SV2B: variants seen among roughly 807,000 people sequenced by gnomAD.
SV2B encodes synaptic vesicle glycoprotein 2B.
Under a neutral mutation model 73.9 loss-of-function variants are expected in SV2B, and 41 were observed. The ratio of observed to expected loss-of-function variants is 0.56; its 90% CI spans 0.43 to 0.72. SV2B has a LOEUF of 0.72. SV2B is among the 30% of genes least tolerant of loss of function. SV2B has a pLI of 0.00. For synonymous variants in SV2B, 314 were observed against 314.2 expected (o/e 1.00, Z 0.01); for missense variants, 764 against 857.8 (o/e 0.89, Z 1.37).
At chr15:91,164,502 T>C (rs995939270) in intron 1 of SV2B, among the ~76,000 whole-genome samples, 2 of 152,198 alleles carry the variant, frequency 1.3e-5, no homozygotes, top group African/African-American at 4.8e-5. Context: ...TACACCCAAA[T>C]TTAAAGAGTT....
rs917278920 is a variant in SV2B at position 91,245,125 on chromosome 15, A to C, written c.452-6694A>C. Among the ~76,000 whole-genome samples, 3 of 152,156 alleles carry C rather than the reference A, an allele frequency of 2.0e-5. No individual in the cohort carries two copies. The highest frequency in any genetic ancestry group is 4.8e-5 in the African/African-American group (2 of 41,440). On this transcript the variant is annotated intron_variant, in intron 2 of 12. Transcript: ENST00000394232. The surrounding 1 kb of genome is among the most constrained non-coding windows in gnomAD (Gnocchi z 4.2). ...TCTTATCCTGCTGCCTCTGGTGTGG[A>C]GAGGAAATCTTCTGTCTGTGTGAAA...
intron 1 of SV2B, among the ~76,000 whole-genome samples, chr15:91,219,046 C>CT (rs1262146369): frequency 6.6e-6 from 1 of 152,144 alleles, no homozygotes; most frequent in Non-Finnish European, 1.5e-5. Context: ...TCAAGCCACT[C>CT]AAGCCATCCT....
At position 91,265,113 on chromosome 15, in the gene SV2B, G is replaced by A. The variant is rs193087824; in HGVS notation, c.1009-1469G>A. Among the ~76,000 whole-genome samples the A allele has an allele frequency of 6.6e-6, 1 of 152,314 alleles. No homozygotes were observed. The highest frequency in any genetic ancestry group is 1.9e-4 in the East Asian group (1 of 5,184). ...GGCGGGTACTCAGCCCAGCTTGAAG[G>A]TGTTACCTGTTTTACTCCTGTGCGT... On this transcript the variant is annotated intron_variant, in intron 6 of 12. Transcript: ENST00000394232. This position sits in a 1 kb window ranked among gnomAD's most constrained non-coding sequence, Gnocchi z 4.2.
intron 1 of SV2B, among the ~76,000 whole-genome samples, chr15:91,194,515 A>T (rs1159315878): frequency 6.6e-6 from 1 of 152,168 alleles, no homozygotes; most frequent in African/African-American, 2.4e-5. Flanking sequence ...AGAGTCTTAG[A>T]TATACGTATG....
chr15:91,254,236 T>TC (rs58031302), intron 4 of SV2B, among the ~76,000 whole-genome samples: 21,763 of 116,310 alleles, frequency 0.19, 1,687 homozygotes, highest in African/African-American at 0.29. Context: ...TTTCACTTCT[T>TC]TTTTTTTTTT....
At position 91,268,348 on chromosome 15, in the gene SV2B, T is replaced by C; in HGVS notation, c.1209-93T>C. The C allele has an allele frequency of 8.2e-7, 1 of 1,222,936 alleles. No homozygotes were observed. The highest frequency in any genetic ancestry group is 1.1e-6 in the Non-Finnish European group (1 of 900,544). The allele number at this position is 1,222,936 out of a possible 1,614,324, so 75.8% of individuals were successfully genotyped here. On this transcript the variant is annotated intron_variant, in intron 8 of 12. Coordinates refer to ENST00000394232, the MANE Select transcript of SV2B (RefSeq NM_001323032.3). This position sits in a 1 kb window ranked among gnomAD's most constrained non-coding sequence, Gnocchi z 4.4. ...ATGAACCAAATTAATGTATTTTCAA[T>C]GAGTTTGATCTGCATCAAGTCAAGA...
At chr15:91,182,978 A>G (rs1295923467) in intron 1 of SV2B, among the ~76,000 whole-genome samples, 1 of 152,184 alleles carries the variant, frequency 6.6e-6, no homozygotes, top group Non-Finnish European at 1.5e-5. Flanking sequence ...AGTACCTGTT[A>G]TGTGCCAGGA....
rs1321113342 is a variant in SV2B, at chr15:91,140,239, C to T, written c.-392+39876C>T. On this transcript the variant is annotated intron_variant, in intron 1 of 12. Coordinates refer to ENST00000394232, the MANE Select transcript of SV2B (RefSeq NM_001323032.3). The surrounding 1 kb of genome is among the most constrained non-coding windows in gnomAD (Gnocchi z 4.4). ...TTATTTTTCTTCAAAGTAATAGCAG[C>T]TAGGAACAAAGTTACATTTTCTCAA... Among the ~76,000 whole-genome samples, 1 of 152,172 alleles carries T rather than the reference C, an allele frequency of 6.6e-6. No individual in the cohort carries two copies. Among genetic ancestry groups the T allele is most frequent in the African/African-American group, 2.4e-5 (1 of 41,444 alleles).
At chr15:91,134,388 C>T (rs1375804209) in intron 1 of SV2B, among the ~76,000 whole-genome samples, 1 of 152,150 alleles carries the variant, frequency 6.6e-6, no homozygotes, top group Non-Finnish European at 1.5e-5. Context: ...ATTCAGAATC[C>T]ATTCAAGACC....
chr15:91,180,258 G>A (rs1254399103), intron 1 of SV2B, among the ~76,000 whole-genome samples: 2 of 152,204 alleles, frequency 1.3e-5, no homozygotes, highest in African/African-American at 4.8e-5. Context: ...TCTGCCGAGA[G>A]ATCAGCTGTT....
intron 1 of SV2B, among the ~76,000 whole-genome samples, chr15:91,152,357 A>G (rs1304994482): frequency 6.6e-6 from 1 of 152,134 alleles, no homozygotes; most frequent in Non-Finnish European, 1.5e-5. Context: ...AGCTTTGCTG[A>G]TATCGCAGCT....
upstream of SV2B, chr15:91,099,874 C>T (rs1166447837): frequency 6.6e-6 from 1 of 152,282 alleles, no homozygotes; most frequent in Non-Finnish European, 1.5e-5. Context: ...AGCGCCCCCT[C>T]GCCCTAGGCG....
intron 1 of SV2B, among the ~76,000 whole-genome samples, chr15:91,192,121 G>A (rs1400077259): frequency 6.6e-6 from 1 of 152,080 alleles, no homozygotes; most frequent in African/African-American, 2.4e-5. Flanking sequence ...ATTTTTAAAA[G>A]TCATTGCTTA....
rs1181825807 is a variant in SV2B at position 91,220,575 on chromosome 15, A to G, written c.-391-5298A>G. 1.3e-5 allele frequency among the ~76,000 whole-genome samples: 2 copies of G among 152,264 alleles called. No homozygotes were observed. The highest frequency in any genetic ancestry group is 3.8e-4 in the East Asian group (2 of 5,204). ...TTTCTGTGATATTTAGTAATAAGCAAGAGTTTGCTGCACAATGATTTTGAG... is the reference window on the plus strand; with the variant it reads ...TTTCTGTGATATTTAGTAATAAGCAGGAGTTTGCTGCACAATGATTTTGAG... On this transcript the variant is annotated intron_variant, in intron 1 of 12. Transcript: ENST00000394232. The surrounding 1 kb of genome is among the most constrained non-coding windows in gnomAD (Gnocchi z 4.1).
chr15:91,178,141 T>A (rs909705182), intron 1 of SV2B, among the ~76,000 whole-genome samples: 4 of 151,634 alleles, frequency 2.6e-5, no homozygotes, highest in Non-Finnish European at 4.4e-5. Context: ...CTGCATCTAT[T>A]GAGATAATCA....
At chr15:91,150,587 C>A (rs1005848630) in intron 1 of SV2B, among the ~76,000 whole-genome samples, 1 of 152,198 alleles carries the variant, frequency 6.6e-6, no homozygotes, top group Non-Finnish European at 1.5e-5. Context: ...TTTGGACTTG[C>A]TCCTGATCCC....
intron 1 of SV2B, among the ~76,000 whole-genome samples, chr15:91,225,122 TG>T (rs1266772016): frequency 1.8e-4 from 27 of 152,324 alleles, no homozygotes; most frequent in African/African-American, 6.3e-4. Context: ...AATTGAGGCT[TG>T]GAAAGATGCG....
intron 2 of SV2B, among the ~76,000 whole-genome samples, chr15:91,244,686 T>C (rs974932320): frequency 1.6e-4 from 24 of 152,198 alleles, no homozygotes; most frequent in African/African-American, 5.1e-4. Flanking sequence ...TGTTAAAACA[T>C]TTATCACATT....
rs1034182106 is a variant in SV2B at position 91,232,472 on chromosome 15, G to A, written c.451+5758G>A. Reference sequence around the variant, plus strand: ...GCAATGGAGAGCTGTTTAATGGGGAGCTATGAAATATGCCTTTGAGGAAGG... The same window carrying A: ...GCAATGGAGAGCTGTTTAATGGGGAACTATGAAATATGCCTTTGAGGAAGG... On this transcript the variant is annotated intron_variant, in intron 2 of 12. Transcript: ENST00000394232. The surrounding 1 kb of genome is among the most constrained non-coding windows in gnomAD (Gnocchi z 4.7). Among the ~76,000 whole-genome samples, 1 of 152,154 alleles carries A rather than the reference G, an allele frequency of 6.6e-6. No homozygotes were observed. The highest frequency in any genetic ancestry group is 2.4e-5 in the African/African-American group (1 of 41,436).
Sources: gnomAD v4.1 joint callset for allele counts (sites outside exome capture counted in the v4.1 genomes callset) on GRCh38, gnomAD v4.1.1 for gene constraint, Gnocchi (gnomAD v3.1) non-coding constraint, MANE v1.5 for transcripts, NCBI Gene and HGNC (gene_info 2026-07-23, HGNC 2026-07-21) for gene names.